The following OTUD7A variants were observed in gnomAD, a reference collection of about 807,000 sequenced individuals.
The protein encoded by OTUD7A is OTU domain-containing protein 7A.
Under a neutral mutation model 65.7 loss-of-function variants are expected in OTUD7A, and 12 were observed. The observed-to-expected ratio is 0.18, with a 90% CI of 0.12 to 0.30. The LOEUF is 0.30. OTUD7A is among the 10% of genes least tolerant of loss of function. OTUD7A has a pLI of 1.00. For synonymous variants in OTUD7A, 641 were observed against 586.3 expected (o/e 1.09, Z -1.35); for missense variants, 1,148 against 1,304.8 (o/e 0.88, Z 1.85).
intron 1 of OTUD7A, among the ~76,000 whole-genome samples, chr15:31,698,051 TAC>T (rs1270118161): frequency 6.6e-6 from 1 of 152,174 alleles, no homozygotes; most frequent in Non-Finnish European, 1.5e-5. Context: ...TTCCTCCAAC[TAC>T]ACACATTCTT....
At chr15:31,659,037 GAATGAATAAATAAATAAATAAATAAATA>G (rs1286885861) in intron 1 of OTUD7A, among the ~76,000 whole-genome samples, 12 of 118,632 alleles carry the variant, frequency 1.0e-4, no homozygotes, top group East Asian at 4.4e-4. Context: ...ATGAATGAAT[GAATGAATAAATAAATAAATAAATAAATA>G]AATAAATAAA....
intron 1 of OTUD7A, among the ~76,000 whole-genome samples, chr15:31,682,398 C>G (rs1892738670): frequency 6.6e-6 from 1 of 152,042 alleles, no homozygotes; most frequent in African/African-American, 2.4e-5. Context: ...GATTCTAAAT[C>G]TATATAGAAA....
intron 1 of OTUD7A, among the ~76,000 whole-genome samples, chr15:31,846,810 G>A (rs1400028075): frequency 4.6e-5 from 7 of 152,216 alleles, no homozygotes; most frequent in South Asian, 4.1e-4. Flanking sequence ...TACTTTTTTC[G>A]CATATATGAT....
chr15:31,801,833 A>T (rs1410893561), intron 1 of OTUD7A, among the ~76,000 whole-genome samples: 1 of 152,160 alleles, frequency 6.6e-6, no homozygotes, highest in East Asian at 1.9e-4. Context: ...ATGATAAATA[A>T]ATGTAAAATT....
At chr15:31,830,937 G>A (rs1024420970) in intron 1 of OTUD7A, among the ~76,000 whole-genome samples, 1 of 152,196 alleles carries the variant, frequency 6.6e-6, no homozygotes, top group Admixed American at 6.5e-5. Context: ...CAAGGGCATG[G>A]TAATCAAGGC....
chr15:31,628,267 G>C (rs1891027611), intron 3 of OTUD7A, among the ~76,000 whole-genome samples: 1 of 152,156 alleles, frequency 6.6e-6, no homozygotes, highest in Non-Finnish European at 1.5e-5. Flanking sequence ...ATTAATTTTT[G>C]TAAAGGGTGT....
At chr15:31,696,906 G>A (rs1893097077) in intron 1 of OTUD7A, among the ~76,000 whole-genome samples, 1 of 150,456 alleles carries the variant, frequency 6.6e-6, no homozygotes, top group African/African-American at 2.4e-5. Context: ...CAGGCATCAA[G>A]GTCAGGGAGA....
At chr15:31,839,459 C>T (rs965043374) in intron 1 of OTUD7A, among the ~76,000 whole-genome samples, 39 of 152,162 alleles carry the variant, frequency 2.6e-4, no homozygotes, top group African/African-American at 9.2e-4. Context: ...GGGCTCACAA[C>T]AATCTTATTT....
chr15:31,650,997 C>T (rs960146306), intron 3 of OTUD7A, among the ~76,000 whole-genome samples: 3 of 147,402 alleles, frequency 2.0e-5, no homozygotes, highest in Admixed American at 1.4e-4. Flanking sequence ...AGGAAGTAGT[C>T]AGTCAGTTCA....
At chr15:31,854,952 T>C (rs544128901) in intron 1 of OTUD7A, among the ~76,000 whole-genome samples, 15 of 151,988 alleles carry the variant, frequency 9.9e-5, no homozygotes, top group Middle Eastern at 3.4e-3. Context: ...AACTAAATAA[T>C]AGAATAAAGG....
chr15:31,840,849 ACTAT>A (rs1595806890), intron 1 of OTUD7A, among the ~76,000 whole-genome samples: 1 of 152,218 alleles, frequency 6.6e-6, no homozygotes, highest in Non-Finnish European at 1.5e-5. Flanking sequence ...AATAGAATCT[ACTAT>A]CTATCACTAT....
At chr15:31,521,232 T>C (rs28540708) in intron 8 of OTUD7A, among the ~76,000 whole-genome samples, 65 of 152,158 alleles carry the variant, frequency 4.3e-4, no homozygotes, top group African/African-American at 1.5e-3. Flanking sequence ...AATATTTGCA[T>C]GTAAGAAACC....
intron 1 of OTUD7A, among the ~76,000 whole-genome samples, chr15:31,671,185 T>C (rs1892475860): frequency 6.6e-6 from 1 of 152,226 alleles, no homozygotes; most frequent in African/African-American, 2.4e-5. Context: ...GATTTTCTTC[T>C]AGGGTTTTTA....
chr15:31,636,985 C>T (rs71474673), intron 3 of OTUD7A, among the ~76,000 whole-genome samples: 5,502 of 152,212 alleles, frequency 0.036, 353 homozygotes, highest in African/African-American at 0.13. Flanking sequence ...ATAAAAGTTT[C>T]ATGTTATTGC....
At chr15:31,793,122 A>G (rs1240166421) in intron 1 of OTUD7A, among the ~76,000 whole-genome samples, 1 of 152,126 alleles carries the variant, frequency 6.6e-6, no homozygotes, top group Non-Finnish European at 1.5e-5. Flanking sequence ...TTCTGCCTCC[A>G]GCTTCCCAAC....
At chr15:31,788,415 G>A (rs1895729805) in intron 1 of OTUD7A, among the ~76,000 whole-genome samples, 1 of 152,224 alleles carries the variant, frequency 6.6e-6, no homozygotes, top group Non-Finnish European at 1.5e-5. Flanking sequence ...TCTTCAGATG[G>A]ATGGTCCTTT....
At chr15:31,593,696 T>G (rs1011911823) in intron 3 of OTUD7A, among the ~76,000 whole-genome samples, 6 of 152,050 alleles carry the variant, frequency 3.9e-5, no homozygotes, top group Non-Finnish European at 4.4e-5. Flanking sequence ...AAAATGATAG[T>G]CCAGCGGGGG....
At chr15:31,789,146 A>G (rs1279894070) in intron 1 of OTUD7A, among the ~76,000 whole-genome samples, 2 of 152,210 alleles carry the variant, frequency 1.3e-5, no homozygotes, top group Admixed American at 1.3e-4. Flanking sequence ...GCTATGTAAT[A>G]GACACAGAAT....
intron 1 of OTUD7A, among the ~76,000 whole-genome samples, chr15:31,659,636 G>T (rs1446753191): frequency 2.7e-5 from 4 of 145,724 alleles, no homozygotes; most frequent in African/African-American, 1.1e-4. Flanking sequence ...CTGCAGGGCT[G>T]CCAGGCCCTG....
Sources: allele counts gnomAD v4.1 joint callset (sites outside exome capture counted in the v4.1 genomes callset), GRCh38; gene constraint gnomAD v4.1.1; transcripts MANE v1.5; gene names NCBI Gene and HGNC (gene_info 2026-07-23, HGNC 2026-07-21).